The following APP variants were observed in gnomAD, a reference collection of about 807,000 sequenced individuals.
APP encodes amyloid-beta precursor protein.
A neutral mutation model predicts 101.4 loss-of-function variants in APP; 31 were observed. That is an observed-to-expected ratio of 0.31 (90% confidence interval 0.23 to 0.41). The LOEUF (loss-of-function observed/expected upper bound fraction) is 0.41, where lower values mean the gene tolerates loss of function less well. Among genes scored for constraint, APP ranks in the 10% least tolerant of loss-of-function variants. The probability of loss-of-function intolerance (pLI) is 1.00; values close to 1 mark genes in which losing one functional copy is unlikely to be tolerated. For missense variants in APP, 839 were observed against 1,003.7 expected (o/e 0.84, Z 2.22); for synonymous variants, 366 against 364.4 (o/e 1.00, Z -0.05).
chr21:26,132,078 A>G (rs462278), intron 1 of APP, among the ~76,000 whole-genome samples: 5,083 of 152,306 alleles, frequency 0.033, 222 homozygotes, highest in East Asian at 0.2. Flanking sequence ...AAAATAAACA[A>G]AAAAATAAGC....
intron 5 of APP, among the ~76,000 whole-genome samples, chr21:26,035,820 T>A (rs2045082003): frequency 6.6e-6 from 1 of 151,672 alleles, no homozygotes; most frequent in Non-Finnish European, 1.5e-5. Context: ...ACAATGGGAG[T>A]TTAGATTAGT....
chr21:25,953,340 A>G (rs1249950327), intron 13 of APP, among the ~76,000 whole-genome samples: 1 of 152,236 alleles, frequency 6.6e-6, no homozygotes, highest in Non-Finnish European at 1.5e-5. Context: ...TCACAGCAAT[A>G]CAAACAATAT....
At chr21:26,075,373 C>T (rs1036413515) in intron 3 of APP, among the ~76,000 whole-genome samples, 3 of 152,200 alleles carry the variant, frequency 2.0e-5, no homozygotes, top group African/African-American at 7.2e-5. Context: ...TATAGCTGCA[C>T]AATTATTGTT....
chr21:26,007,950 TTGAAC>T (rs1054105856), intron 6 of APP, among the ~76,000 whole-genome samples: 40 of 152,308 alleles, frequency 2.6e-4, no homozygotes, highest in African/African-American at 8.7e-4. Flanking sequence ...GCAAGCAAGC[TTGAAC>T]TGAAGTCTTA....
intron 6 of APP, among the ~76,000 whole-genome samples, chr21:26,012,434 T>C (rs1017466994): frequency 1.3e-5 from 2 of 152,180 alleles, no homozygotes; most frequent in African/African-American, 4.8e-5. Flanking sequence ...CCTTGACTTT[T>C]TACTCTTCTA....
chr21:26,018,372 TG>T (rs1466769938), intron 6 of APP, among the ~76,000 whole-genome samples: 10 of 152,230 alleles, frequency 6.6e-5, no homozygotes. Flanking sequence ...ATTTTTATGT[TG>T]AACACAGAAG....
At chr21:26,116,065 G>C (rs2062428451) in intron 1 of APP, among the ~76,000 whole-genome samples, 1 of 152,196 alleles carries the variant, frequency 6.6e-6, no homozygotes, top group African/African-American at 2.4e-5. Flanking sequence ...TAAACTGAAT[G>C]ACTTGCCACT....
intron 5 of APP, among the ~76,000 whole-genome samples, chr21:26,049,115 C>T (rs2045730252): frequency 6.6e-6 from 1 of 151,970 alleles, no homozygotes; most frequent in Non-Finnish European, 1.5e-5. Flanking sequence ...ATTAAAAACA[C>T]ATAGTAGAAA....
chr21:26,069,534 A>C (rs909035205), intron 3 of APP, among the ~76,000 whole-genome samples: 2 of 152,120 alleles, frequency 1.3e-5, no homozygotes, highest in African/African-American at 4.8e-5. Context: ...TCATCACTGC[A>C]CATATCACCA....
intron 1 of APP, among the ~76,000 whole-genome samples, chr21:26,160,442 T>C (rs2063467234): frequency 6.6e-6 from 1 of 152,162 alleles, no homozygotes; most frequent in Non-Finnish European, 1.5e-5. Context: ...CAAAATAAGA[T>C]TGAGAAAATA....
chr21:26,063,124 G>A (rs1053910395), intron 3 of APP, among the ~76,000 whole-genome samples: 41 of 152,322 alleles, frequency 2.7e-4, no homozygotes, highest in African/African-American at 9.6e-4. Flanking sequence ...TAAGTACATA[G>A]ATGGTGGATG....
intron 13 of APP, among the ~76,000 whole-genome samples, chr21:25,952,010 T>C (rs955977654): frequency 2.0e-5 from 3 of 152,176 alleles, no homozygotes; most frequent in Non-Finnish European, 4.4e-5. Context: ...GGTTCGTTAT[T>C]GCAAACTTCT....
intron 6 of APP, among the ~76,000 whole-genome samples, chr21:26,000,737 G>A (rs183776755): frequency 6.6e-6 from 1 of 152,112 alleles, no homozygotes; most frequent in African/African-American, 2.4e-5. Context: ...CTGTAAATGT[G>A]ACTTATACTC....
At chr21:25,945,201 T>C (rs989687736) in intron 13 of APP, among the ~76,000 whole-genome samples, 20 of 152,154 alleles carry the variant, frequency 1.3e-4, no homozygotes, top group African/African-American at 4.1e-4. Flanking sequence ...TAAAAGATGA[T>C]AGCATGCTAA....
chr21:25,963,137 C>T (rs751689456), intron 11 of APP, among the ~76,000 whole-genome samples: 1 of 152,050 alleles, frequency 6.6e-6, no homozygotes, highest in Non-Finnish European at 1.5e-5. Context: ...TATTGATTTC[C>T]CCATTTCTTA....
intron 1 of APP, among the ~76,000 whole-genome samples, chr21:26,115,351 A>G (rs2146215518): frequency 6.6e-6 from 1 of 152,332 alleles, no homozygotes; most frequent in Admixed American, 6.5e-5. Context: ...CCAGATGTGT[A>G]TATGGAAATC....
intron 13 of APP, among the ~76,000 whole-genome samples, chr21:25,937,127 T>A (rs2040396548): frequency 6.6e-6 from 1 of 152,174 alleles, no homozygotes; most frequent in Non-Finnish European, 1.5e-5. Flanking sequence ...TCTTGCTTCA[T>A]TACAGGCAGT....
intron 5 of APP, among the ~76,000 whole-genome samples, chr21:26,042,733 T>C (rs916206526): frequency 7.3e-6 from 1 of 136,926 alleles, no homozygotes; most frequent in Non-Finnish European, 1.6e-5. Context: ...GAGACCCCTG[T>C]CTCTACAAAA....
intron 13 of APP, chr21:25,943,113 A>G (rs1569086715): frequency 6.6e-6 from 1 of 152,198 alleles, no homozygotes; most frequent in Non-Finnish European, 1.5e-5. Flanking sequence ...CTCTTTAATC[A>G]TTCTAATTTT....
Sources: gnomAD v4.1 joint callset for allele counts (sites outside exome capture counted in the v4.1 genomes callset) on GRCh38, gnomAD v4.1.1 for gene constraint, MANE v1.5 for transcripts, NCBI Gene and HGNC (gene_info 2026-07-23, HGNC 2026-07-21) for gene names.